The following MYH11 variants were observed in gnomAD, a reference collection of about 807,000 sequenced individuals.
MYH11 encodes the protein myosin-11.
Under a neutral mutation model 246.6 loss-of-function variants are expected in MYH11, and 80 were observed. The ratio of observed to expected loss-of-function variants is 0.32; its 90% CI spans 0.27 to 0.39. The LOEUF is 0.39. Among genes scored for constraint, MYH11 ranks in the 10% least tolerant of loss-of-function variants. The pLI is 1.00. For missense variants in MYH11, 2,158 were observed against 2,546.8 expected, an observed-to-expected ratio of 0.85 and a Z score of 3.29; for synonymous variants, 1,071 against 1,015.5, an observed-to-expected ratio of 1.05 and a Z score of -1.04.
At chr16:15,828,953 G>C (rs773822268) in intron 2 of MYH11, among the ~76,000 whole-genome samples, 5 of 151,730 alleles carry the variant, frequency 3.3e-5, no homozygotes, top group African/African-American at 4.8e-5. Flanking sequence ...GGAAATCGAG[G>C]AGGTCAGATC....
intron 5 of MYH11, chr16:15,786,372 C>T (rs1271115024): frequency 2.0e-5 from 13 of 637,812 alleles, no homozygotes; most frequent in South Asian, 9.5e-5. Context: ...AGGAAGATCT[C>T]GCTATGGAAG....
At chr16:15,712,172 G>C (rs1488063704) in intron 40 of MYH11, among the ~76,000 whole-genome samples, 1 of 152,182 alleles carries the variant, frequency 6.6e-6, no homozygotes, top group African/African-American at 2.4e-5. Context: ...TTTCAGTCAG[G>C]ACTTGGGGTG....
chr16:15,717,353 G>C lies in MYH11; in HGVS notation c.5296-5C>G. On this transcript the variant is annotated splice_region_variant and splice_polypyrimidine_tract_variant and intron_variant, in intron 37 of 40. Coordinates refer to ENST00000300036, the MANE Select transcript of MYH11 (RefSeq NM_002474.3). ...CTCGTTGCTGAGCTGCTCGGCCTGGGGAGGAGAGTGAAGGCCATGAGGCGG... is the reference window on the plus strand; with the variant it reads ...CTCGTTGCTGAGCTGCTCGGCCTGGCGAGGAGAGTGAAGGCCATGAGGCGG... The C allele has an allele frequency of 6.2e-7, 1 of 1,604,798 alleles. No individual in the cohort carries two copies.
chr16:15,715,359 G>A (rs937740289), intron 38 of MYH11, 87 bp from the exon 39 acceptor site: 5 of 1,207,158 alleles, frequency 4.1e-6, no homozygotes, highest in Non-Finnish European at 6.1e-6. Context: ...CATCTTGAGT[G>A]CTTTCCTGAG....
Position 15,703,880 on chromosome 16 carries a change from T to A in MYH11, c.*111A>T. On this transcript the variant is annotated 3_prime_UTR_variant, in exon 41 of 41. Coordinates refer to ENST00000300036, the MANE Select transcript of MYH11 (RefSeq NM_002474.3). ...ATTTGAGAATGGATTTAGACAATGCTAAGTACAGTCTGCTGGGTTTTGCTT... is the reference window on the plus strand; with the variant it reads ...ATTTGAGAATGGATTTAGACAATGCAAAGTACAGTCTGCTGGGTTTTGCTT... 7.1e-7 allele frequency: 1 copy of A among 1,401,946 alleles called. No homozygotes were observed. Among genetic ancestry groups the A allele is most frequent in the South Asian group, 1.2e-5 (1 of 86,030 alleles). 86.8% of individuals were successfully genotyped at this position (1,401,946 alleles called of 1,614,324 possible). A position where few individuals can be genotyped will look rare whatever the true frequency, so the allele number is the denominator to read the frequency against.
intron 1 of MYH11, among the ~76,000 whole-genome samples, chr16:15,852,895 C>A (rs1156935405): frequency 6.6e-6 from 1 of 152,120 alleles, no homozygotes; most frequent in South Asian, 2.1e-4. Flanking sequence ...CTGTTTGAAG[C>A]CTAATTTACT....
chr16:15,842,232 G>A (rs972265554), intron 1 of MYH11, among the ~76,000 whole-genome samples: 1 of 151,966 alleles, frequency 6.6e-6, no homozygotes, highest in Non-Finnish European at 1.5e-5. Flanking sequence ...CTAAAAATAC[G>A]AAAAGTTGCT....
chr16:15,836,134 G>T (rs765527169), intron 2 of MYH11, among the ~76,000 whole-genome samples: 1 of 152,142 alleles, frequency 6.6e-6, no homozygotes, highest in Non-Finnish European at 1.5e-5. Flanking sequence ...GCTCGAGGGT[G>T]AGCAAGGCCT....
chr16:15,707,269 T>C (rs760526093), intron 40 of MYH11, among the ~76,000 whole-genome samples: 3 of 152,196 alleles, frequency 2.0e-5, no homozygotes, highest in Non-Finnish European at 2.9e-5. Context: ...CCTCAAGTTA[T>C]CTGCCCGCCT....
chr16:15,821,924 CAA>C (rs35907978), intron 3 of MYH11, among the ~76,000 whole-genome samples: 31 of 107,314 alleles, frequency 2.9e-4, no homozygotes, highest in East Asian at 3.1e-4. Flanking sequence ...GACTCCGTCT[CAA>C]AAAAAAAAAA....
At chr16:15,787,321 T>C (rs1003983804) in intron 4 of MYH11, among the ~76,000 whole-genome samples, 1 of 151,958 alleles carries the variant, frequency 6.6e-6, no homozygotes, top group African/African-American at 2.4e-5. Context: ...GGTGGGAGGA[T>C]GGCTTGAGCC....
rs371591343 is a variant in MYH11 at position 15,715,215 on chromosome 16, G to C, written c.5562C>G (p.Ile1854Met). 2.5e-6 allele frequency: 4 copies of C among 1,614,154 alleles called. No homozygotes were observed. In the African/African-American group the frequency reaches 4.0e-5, roughly 16 times the overall value. ...TGCGCTCGTCCTCCACCTGCAGCAAGATTTCCTTCAGCTTCTTGTCTTTCT... is the reference window on the plus strand; with the variant it reads ...TGCGCTCGTCCTCCACCTGCAGCAACATTTCCTTCAGCTTCTTGTCTTTCT... Reference protein sequence around the residue: ...LKQKDKKLKEILLQVEDERKM... With the variant: ...LKQKDKKLKEMLLQVEDERKM... Residue 1854 changes from isoleucine to methionine, a missense_variant, in exon 39 of 41, where the codon ATC becomes ATG. Transcript: ENST00000300036.
chr16:15,718,292 T>C, intron 37 of MYH11, 23 bp downstream of exon 37: 1 of 1,607,438 alleles, frequency 6.2e-7, no homozygotes. Context: ...GCAGCGTGAC[T>C]GTGGTGTCCA....
intron 2 of MYH11, among the ~76,000 whole-genome samples, chr16:15,828,424 C>T (rs2043629196): frequency 6.6e-6 from 1 of 152,170 alleles, no homozygotes; most frequent in Admixed American, 6.5e-5. Flanking sequence ...CTGGTTCCCT[C>T]TCCTCTTTTA....
intron 31 of MYH11, 29 bp from the exon 32 acceptor site, chr16:15,721,663 T>C (rs1026063958): frequency 1.2e-6 from 2 of 1,611,388 alleles, no homozygotes; most frequent in African/African-American, 1.3e-5. Flanking sequence ...AGGTGACTTC[T>C]AGGCATATCC....
chr16:15,741,997 G>A (rs1272878742), intron 20 of MYH11, 106 bp from the exon 21 acceptor site: 20 of 1,493,878 alleles, frequency 1.3e-5, no homozygotes, highest in African/African-American at 2.8e-5. Flanking sequence ...TGCCCCCACC[G>A]ATCCCCACTA....
intron 9 of MYH11, among the ~76,000 whole-genome samples, chr16:15,767,045 G>A (rs558007965): frequency 6.6e-6 from 1 of 152,294 alleles, no homozygotes; most frequent in South Asian, 2.1e-4. Flanking sequence ...TACACATGGG[G>A]AGGGAGGGAG....
intron 4 of MYH11, among the ~76,000 whole-genome samples, chr16:15,792,929 T>C (rs993302321): frequency 1.3e-5 from 2 of 152,052 alleles, no homozygotes; most frequent in African/African-American, 2.4e-5. Flanking sequence ...GAGAGGGGGT[T>C]TGGCCATGTT....
intron 40 of MYH11, among the ~76,000 whole-genome samples, chr16:15,706,353 T>C (rs2039454486): frequency 6.6e-6 from 1 of 152,184 alleles, no homozygotes; most frequent in Admixed American, 6.5e-5. Flanking sequence ...GCAGTTTGAC[T>C]GTTCCCTGTA....
Sources: allele counts gnomAD v4.1 joint callset (sites outside exome capture counted in the v4.1 genomes callset), GRCh38; gene constraint gnomAD v4.1.1; transcripts MANE v1.5; gene names NCBI Gene and HGNC (gene_info 2026-07-23, HGNC 2026-07-21).